UBXN10: variants seen among roughly 807,000 people sequenced by gnomAD.
UBXN10 encodes UBX domain protein 10.
In UBXN10, 6 loss-of-function variants were observed where a neutral mutation model predicts 6.9. The ratio of observed to expected loss-of-function variants is 0.87; its 90% CI spans 0.48 to 1.72. The LOEUF is 1.72. UBXN10 is among the 40% of genes most tolerant of loss of function. UBXN10 has a pLI of 0.01. For synonymous variants in UBXN10, 131 were observed against 135.2 expected (o/e 0.97, Z 0.21); for missense variants, 317 against 348.4 (o/e 0.91, Z 0.72).
At chr1:20,190,429 C>G in intron 1 of UBXN10, 118 bp from the exon 2 acceptor site, 1 of 1,311,192 alleles carries the variant, frequency 7.6e-7, no homozygotes, top group Non-Finnish European at 1.0e-6. Context: ...CAGCTGGTGC[C>G]CCTTACTAGA....
At chr1:20,183,548 C>T (rs942026587), upstream of UBXN10, among the ~76,000 whole-genome samples, 2 of 152,154 alleles carry the variant, frequency 1.3e-5, no homozygotes, top group East Asian at 1.9e-4. Context: ...CATTAAGGAG[C>T]GTTGTGAAGA....
rs536552096 is a variant in UBXN10, at chr1:20,191,481, C to T, written c.*77C>T. ...TGGGCGTTGTGGCCTCTTAGGCAGCCTGTTTCAAGTGCCATGTGGACCTGG... is the reference window on the plus strand; with the variant it reads ...TGGGCGTTGTGGCCTCTTAGGCAGCTTGTTTCAAGTGCCATGTGGACCTGG... On this transcript the variant is annotated 3_prime_UTR_variant, in exon 2 of 2. Coordinates refer to ENST00000375099, the MANE Select transcript of UBXN10 (RefSeq NM_152376.5). This position sits in a 1 kb window ranked among gnomAD's most constrained non-coding sequence, Gnocchi z 4.5. 5.2e-6 allele frequency: 8 copies of T among 1,533,440 alleles called. No homozygotes were observed. The highest frequency in any genetic ancestry group is 2.6e-5 in the South Asian group (2 of 75,958). The allele number at this position is 1,533,440 out of a possible 1,614,324, so 95.0% of individuals were successfully genotyped here.
At chr1:20,186,031 GGCCGGTTCCGGTCAC>G (rs1553184962), upstream of UBXN10, 1 of 96,354 alleles carries the variant, frequency 1.0e-5, no homozygotes, top group African/African-American at 3.9e-5. Context: ...ACCCGACCCA[GGCCGGTTCCGGTCAC>G]GCCGGAAGCA....
chr1:20,191,559 T>C lies in UBXN10; in HGVS notation c.*155T>C. ...CTGCACTGCGTGTCCTCTGAAGCAG[T>C]GAAGTCTGTGCCTATGCCGAGCGCG... On this transcript the variant is annotated 3_prime_UTR_variant, in exon 2 of 2. Coordinates refer to ENST00000375099, the MANE Select transcript of UBXN10 (RefSeq NM_152376.5). This position sits in a 1 kb window ranked among gnomAD's most constrained non-coding sequence, Gnocchi z 4.5. 2 of 1,206,188 alleles carry C rather than the reference T, an allele frequency of 1.7e-6. No homozygotes were observed. The highest frequency in any genetic ancestry group is 1.6e-5 in the South Asian group (1 of 62,712). The allele number at this position is 1,206,188 out of a possible 1,614,324, so 74.7% of individuals were successfully genotyped here.
At chr1:20,186,626 C>G (rs1569945518) in intron 1 of UBXN10, 1 of 152,460 alleles carries the variant, frequency 6.6e-6, no homozygotes, top group Non-Finnish European at 1.5e-5. Flanking sequence ...AGCCTGTTGC[C>G]TTCTAGGGCG....
chr1:20,183,975 G>A (rs1378085195), upstream of UBXN10, among the ~76,000 whole-genome samples: 1 of 152,186 alleles, frequency 6.6e-6, no homozygotes, highest in Non-Finnish European at 1.5e-5. Flanking sequence ...TCTGTCCTTT[G>A]AAGACATCCT....
In UBXN10 at chr1:20,193,405, T is replaced by C. The variant is rs1340733390; in HGVS notation, c.*2001T>C. 6.0e-6 allele frequency: 1 copy of C among 167,100 alleles called. No homozygotes were observed. Among genetic ancestry groups the C allele is most frequent in the Non-Finnish European group, 1.5e-5 (1 of 68,126 alleles). The allele number at this position is 167,100 out of a possible 1,614,324, so 10.4% of individuals were successfully genotyped here. A position where few individuals can be genotyped will look rare whatever the true frequency, so the allele number is the denominator to read the frequency against. Reference sequence around the variant, plus strand: ...AGTGGAAGGCATAAGCATAGAAATATTTTAGGATATTTTAGGATATGTGAA... The same window carrying C: ...AGTGGAAGGCATAAGCATAGAAATACTTTAGGATATTTTAGGATATGTGAA... On this transcript the variant is annotated 3_prime_UTR_variant, in exon 2 of 2. Coordinates refer to ENST00000375099, the MANE Select transcript of UBXN10 (RefSeq NM_152376.5).
chr1:20,190,728 T>C lies in UBXN10; in HGVS notation c.167T>C (p.Val56Ala), dbSNP rs2100735261. ...TRPSLQKSQG[V>A]EVCAHHIPSP... Reference sequence around the variant, plus strand: ...CCGAGTCTGCAGAAATCCCAGGGCGTGGAGGTGTGCGCTCATCATATACCA... The same window carrying C: ...CCGAGTCTGCAGAAATCCCAGGGCGCGGAGGTGTGCGCTCATCATATACCA... Residue 56 changes from valine to alanine, a missense_variant, in exon 2 of 2, where the codon GTG becomes GCG. Physicochemically the swap from Val to Ala is moderately conservative, Grantham distance 64. Transcript: ENST00000375099. The C allele has an allele frequency of 1.9e-6, 3 of 1,613,996 alleles. No homozygotes were observed. Among genetic ancestry groups the C allele is most frequent in the African/African-American group, 1.3e-5 (1 of 74,978 alleles).
At chr1:20,189,798 G>A (rs555526299) in intron 1 of UBXN10, among the ~76,000 whole-genome samples, 1 of 152,352 alleles carries the variant, frequency 6.6e-6, no homozygotes, top group Non-Finnish European at 1.5e-5. Context: ...AGAATGTGAT[G>A]TGCTGGGCTC....
In UBXN10 at chr1:20,187,652, C is replaced by T. The variant is rs190263432; in HGVS notation, c.-16+1499C>T. On this transcript the variant is annotated intron_variant, in intron 1 of 1. Transcript: ENST00000375099. The surrounding 1 kb of genome is among the most constrained non-coding windows in gnomAD (Gnocchi z 4.6). ...AAGGAGGTGTTAGTCTCTAAATAACCATGAGTGGGCTCCTAGGAATTAGTC... is the reference window on the plus strand; with the variant it reads ...AAGGAGGTGTTAGTCTCTAAATAACTATGAGTGGGCTCCTAGGAATTAGTC... 3.0e-4 allele frequency among the ~76,000 whole-genome samples: 46 copies of T among 152,254 alleles called. No individual in the cohort carries two copies. In the East Asian group the frequency reaches 6.6e-3, roughly 22 times the overall value.
Position 20,191,390 on chromosome 1 carries a change from G to A in UBXN10, c.829G>A (p.Glu277Lys). The A allele has an allele frequency of 6.2e-7, 1 of 1,610,192 alleles. No individual in the cohort carries two copies. The highest frequency in any genetic ancestry group is 8.5e-7 in the Non-Finnish European group (1 of 1,176,816). The change falls in exon 2 of 2, where the codon GAA becomes AAA. Residue 277 changes from glutamate (E) to lysine (K), a missense_variant. By Grantham distance (56) the Glu-to-Lys change is moderately conservative (BLOSUM62 1). Coordinates refer to ENST00000375099, the MANE Select transcript of UBXN10 (RefSeq NM_152376.5). This position sits in a 1 kb window ranked among gnomAD's most constrained non-coding sequence, Gnocchi z 4.5. Reference sequence around the variant, plus strand: ...GCTGGGCATCTCACTGGAAGATGGGGAAGGGTGGCCCTGAGTCCACAGCCA... The same window carrying A: ...GCTGGGCATCTCACTGGAAGATGGGAAAGGGTGGCCCTGAGTCCACAGCCA... ...SVLGISLEDGEGWP is the reference protein window; with the variant it reads ...SVLGISLEDGKGWP
rs769180595 is a variant in UBXN10 at position 20,191,310 on chromosome 1, G to A, written c.749G>A (p.Arg250Gln). The A allele has an allele frequency of 3.1e-6, 5 of 1,614,202 alleles. No homozygotes were observed. The highest frequency in any genetic ancestry group is 4.2e-6 in the Non-Finnish European group (5 of 1,180,032). The change falls in exon 2 of 2, where the codon CGA becomes CAA. Residue 250 changes from arginine to glutamine, a missense_variant. Arg to Gln is a conservative substitution (Grantham distance 43). Coordinates refer to ENST00000375099, the MANE Select transcript of UBXN10 (RefSeq NM_152376.5). This position sits in a 1 kb window ranked among gnomAD's most constrained non-coding sequence, Gnocchi z 4.5. The stretch of plus-strand genomic sequence containing the variant: ...GAAACAATGGAGGTGCCCAGGAGGC[G>A]ATTTTCTGACCTCACCAAATCTCTG... ...SIETMEVPRR[R>Q]FSDLTKSLQE...
At position 20,191,325 on chromosome 1, in the gene UBXN10, C is replaced by A. The variant is rs377207677; in HGVS notation, c.764C>A (p.Thr255Asn). 6.2e-6 allele frequency: 10 copies of A among 1,613,926 alleles called. No homozygotes were observed. Among genetic ancestry groups the A allele is most frequent in the Admixed American group, 3.3e-5 (2 of 60,008 alleles). Residue 255 changes from threonine (T) to asparagine (N), a missense_variant, in exon 2 of 2, where the codon ACC (threonine) becomes AAC (asparagine). By Grantham distance (65) the Thr-to-Asn change is moderately conservative (BLOSUM62 0). Transcript: ENST00000375099. The surrounding 1 kb of genome is among the most constrained non-coding windows in gnomAD (Gnocchi z 4.5). ...CCCAGGAGGCGATTTTCTGACCTCA[C>A]CAAATCTCTGCAAGAGTGCAGAATC... ...EVPRRRFSDLTKSLQECRIPH... is the reference protein window; with the variant it reads ...EVPRRRFSDLNKSLQECRIPH...
intron 1 of UBXN10, 64 bp from the exon 2 acceptor site, chr1:20,190,483 G>A: frequency 1.3e-6 from 2 of 1,518,596 alleles, no homozygotes; most frequent in Non-Finnish European, 1.8e-6. Context: ...GGAGGGAATG[G>A]CTTGGATCTA....
chr1:20,187,400 C>T lies in UBXN10; in HGVS notation c.-16+1247C>T, dbSNP rs997304084. On this transcript the variant is annotated intron_variant, in intron 1 of 1. Coordinates refer to ENST00000375099, the MANE Select transcript of UBXN10 (RefSeq NM_152376.5). The surrounding 1 kb of genome is among the most constrained non-coding windows in gnomAD (Gnocchi z 4.6). ...GTGAACTGAGCAGGGAGAATCATGG[C>T]TGCTGCCTCAATCCTGGACTGAGGG... 6.6e-6 allele frequency among the ~76,000 whole-genome samples: 1 copy of T among 151,984 alleles called. No homozygotes were observed. Among genetic ancestry groups the T allele is most frequent in the Non-Finnish European group, 1.5e-5 (1 of 67,970 alleles).
Position 20,192,480 on chromosome 1 carries a change from A to G in UBXN10, c.*1076A>G, listed in dbSNP as rs1010818715. 1 of 167,116 alleles carries G rather than the reference A, an allele frequency of 6.0e-6. No homozygotes were observed. The highest frequency in any genetic ancestry group is 1.9e-4 in the East Asian group (1 of 5,196). The allele number at this position is 167,116 out of a possible 1,614,324, so 10.4% of individuals were successfully genotyped here. On this transcript the variant is annotated 3_prime_UTR_variant, in exon 2 of 2. Transcript: ENST00000375099. ...CATCTGGTTGACCGGCATGAAGTAC[A>G]TCAGCCTGTCTTAGCCTGAGCTGCT...
In UBXN10 at chr1:20,192,805, C is replaced by T. The variant is rs1003667563; in HGVS notation, c.*1401C>T. Reference sequence around the variant, plus strand: ...GTGGCTACCCCAGCAACAAGCGCATCCTGTGCTCAGATAAGCTGCATGGTT... The same window carrying T: ...GTGGCTACCCCAGCAACAAGCGCATTCTGTGCTCAGATAAGCTGCATGGTT... On this transcript the variant is annotated 3_prime_UTR_variant, in exon 2 of 2. Transcript: ENST00000375099. The T allele has an allele frequency of 6.0e-6, 1 of 167,070 alleles. No individual in the cohort carries two copies. Among genetic ancestry groups the T allele is most frequent in the Non-Finnish European group, 1.5e-5 (1 of 68,126 alleles). The allele number at this position is 167,070 out of a possible 1,614,324, so 10.3% of individuals were successfully genotyped here.
At chr1:20,186,507 C>G (rs1348582658) in intron 1 of UBXN10, 8 of 152,322 alleles carry the variant, frequency 5.3e-5, no homozygotes, top group African/African-American at 1.9e-4. Context: ...AGGGCAGAGA[C>G]GAGAACCAGA....
Position 20,191,091 on chromosome 1 carries a change from G to C in UBXN10, c.530G>C (p.Arg177Pro), listed in dbSNP as rs370114291. ...ACAVERKFIV[R>P]TKKQGSSRAG... ...GCCGTGGAGAGGAAATTCATCGTCCGAACCAAGAAACAGGGCTCTTCCAGG... is the reference window on the plus strand; with the variant it reads ...GCCGTGGAGAGGAAATTCATCGTCCCAACCAAGAAACAGGGCTCTTCCAGG... Residue 177 changes from arginine (R) to proline (P), a missense_variant, in exon 2 of 2, where the codon CGA (arginine) becomes CCA (proline). By Grantham distance (103) the Arg-to-Pro change is moderately radical. Transcript: ENST00000375099. The surrounding 1 kb of genome is among the most constrained non-coding windows in gnomAD (Gnocchi z 4.5). 1 of 1,614,108 alleles carries C rather than the reference G, an allele frequency of 6.2e-7. No homozygotes were observed. Among genetic ancestry groups the C allele is most frequent in the Non-Finnish European group, 8.5e-7 (1 of 1,180,030 alleles).
Sources: allele counts gnomAD v4.1 joint callset (sites outside exome capture counted in the v4.1 genomes callset), GRCh38; gene constraint gnomAD v4.1.1; non-coding constraint Gnocchi (gnomAD v3.1); transcripts MANE v1.5; gene names NCBI Gene and HGNC (gene_info 2026-07-23, HGNC 2026-07-21).